Variants in RGS9 observed in about 807,000 individuals in gnomAD.
RGS9 encodes the protein regulator of G protein signaling 9.
In RGS9, 78 loss-of-function variants were observed where a neutral mutation model predicts 102.0. The observed-to-expected ratio is 0.76, with a 90% CI of 0.64 to 0.92. The LOEUF is 0.92. Among genes scored for constraint, RGS9 ranks in the 40% least tolerant of loss-of-function variants. The probability of loss-of-function intolerance (pLI) is 0.00; values close to 1 mark genes in which losing one functional copy is unlikely to be tolerated. For missense variants in RGS9, 833 were observed against 866.1 expected (o/e 0.96, Z 0.48); for synonymous variants, 353 against 318.6 (o/e 1.11, Z -1.15).
chr17:65,145,588 G>C (rs1369121640), intron 1 of RGS9, among the ~76,000 whole-genome samples: 1 of 146,672 alleles, frequency 6.8e-6, no homozygotes, highest in Non-Finnish European at 1.5e-5. Context: ...TAGAGATGAG[G>C]TTTGCCATGT....
intron 1 of RGS9, among the ~76,000 whole-genome samples, chr17:65,145,039 T>C (rs895535195): frequency 6.6e-6 from 1 of 152,194 alleles, no homozygotes; most frequent in Non-Finnish European, 1.5e-5. Context: ...ATAAAGACAC[T>C]GGTCATAGGG....
rs542060487 is a variant in RGS9, at chr17:65,221,714, G to A, written c.1408-3288G>A. Among the ~76,000 whole-genome samples the A allele has an allele frequency of 1.1e-4, 16 of 152,344 alleles. No homozygotes were observed. In the South Asian group the frequency reaches 3.3e-3, roughly 32 times the overall value. On this transcript the variant is annotated intron_variant, in intron 17 of 18. Transcript: ENST00000262406. ...TTCCCGCGGTTCTGAAGGCTGGGAT[G>A]TCCACGATGGAGGCCCCAACAGATT...
At chr17:65,141,729 G>A (rs1395775583) in intron 1 of RGS9, among the ~76,000 whole-genome samples, 2 of 152,122 alleles carry the variant, frequency 1.3e-5, no homozygotes, top group African/African-American at 4.8e-5. Context: ...GTTCTACCTG[G>A]GGTCAGGGGG....
chr17:65,148,985 A>C (rs1375511639), intron 1 of RGS9, among the ~76,000 whole-genome samples: 1 of 151,842 alleles, frequency 6.6e-6, no homozygotes, highest in Non-Finnish European at 1.5e-5. Context: ...TTTTTGAGGC[A>C]AGGTCTCTCT....
intron 14 of RGS9, among the ~76,000 whole-genome samples, chr17:65,202,440 T>TGAGA (rs1175127105): frequency 7.5e-6 from 1 of 133,780 alleles, no homozygotes; most frequent in African/African-American, 3.0e-5. Context: ...TGTGTGTGTG[T>TGAGA]GTGTGAGAGA....
rs1048969780 is a variant in RGS9, at chr17:65,210,645, G to C, written c.1407+40G>C. ...GGACCGCAGGAGCCAACTCCAAAAAGAGCTGCCTCCTAAATAAATCTGTGA... is the reference window on the plus strand; with the variant it reads ...GGACCGCAGGAGCCAACTCCAAAAACAGCTGCCTCCTAAATAAATCTGTGA... On this transcript the variant is annotated intron_variant, in intron 17 of 18. Transcript: ENST00000262406. The C allele has an allele frequency of 3.7e-6, 6 of 1,611,300 alleles. No homozygotes were observed. In the East Asian group the frequency reaches 1.3e-4, roughly 36 times the overall value.
chr17:65,204,959 A>G (rs1912994310), intron 15 of RGS9, among the ~76,000 whole-genome samples: 1 of 152,114 alleles, frequency 6.6e-6, no homozygotes, highest in Non-Finnish European at 1.5e-5. Flanking sequence ...AGTGATGGCA[A>G]TTCTCACCAC....
chr17:65,190,032 C>T, intron 10 of RGS9, 143 bp from the exon 11 acceptor site: 1 of 766,940 alleles, frequency 1.3e-6, no homozygotes, highest in South Asian at 1.4e-5. Context: ...GTGGGCCTGA[C>T]CCACTGGTAC....
intron 9 of RGS9, among the ~76,000 whole-genome samples, chr17:65,184,788 TTCTC>T (rs1242601418): frequency 8.4e-6 from 1 of 119,458 alleles, no homozygotes; most frequent in East Asian, 2.0e-4. Flanking sequence ...TTCTTTCTCT[TTCTC>T]TTTCTTTCTT....
In RGS9 at chr17:65,190,246, T is replaced by C. The variant is rs760413452; in HGVS notation, c.746+10T>C. ...CTGTGTCCCTGGGAGGGTATGTCCC[T>C]GATTTGTTGATCTTGCTAAAGTCTG... On this transcript the variant is annotated intron_variant, in intron 11 of 18. Transcript: ENST00000262406. 1.2e-6 allele frequency: 2 copies of C among 1,607,742 alleles called. No individual in the cohort carries two copies. Among genetic ancestry groups the C allele is most frequent in the East Asian group, 2.2e-5 (1 of 44,858 alleles).
chr17:65,153,734 C>CA (rs1910670543), intron 2 of RGS9, among the ~76,000 whole-genome samples: 1 of 151,766 alleles, frequency 6.6e-6, no homozygotes, highest in African/African-American at 2.4e-5. Context: ...TATTAAAATA[C>CA]AAAAAATTAG....
In RGS9 at chr17:65,225,003, C is replaced by T. The variant is rs201964792; in HGVS notation, c.1409C>T (p.Pro470Leu). 53 of 1,613,688 alleles carry T rather than the reference C, an allele frequency of 3.3e-5. No individual in the cohort carries two copies. The highest frequency in any genetic ancestry group is 1.5e-4 in the African/African-American group (11 of 74,916). Residue 470 changes from proline to leucine, a missense_variant and splice_region_variant, in exon 18 of 19, where the codon CCG becomes CTG. By Grantham distance (98) the Pro-to-Leu change is moderately conservative. Around this residue, in one of 3 missense-constraint regions of RGS9, gnomAD observed 185 missense variants for 248.7 expected, o/e 0.74. Transcript: ENST00000262406. The stretch of plus-strand genomic sequence containing the variant: ...GCTCTCTCCTTTCCTTCTCTACAGC[C>T]GGGCCAGCACATGGCTCCCAGCCCC... The part of the protein sequence containing the change: ...EAANTVDITQ[P>L]GQHMAPSPHL...
intron 17 of RGS9, among the ~76,000 whole-genome samples, chr17:65,224,336 A>G (rs1598012640): frequency 6.6e-6 from 1 of 152,228 alleles, no homozygotes; most frequent in East Asian, 1.9e-4. Flanking sequence ...CCTCCTCGCC[A>G]TGTATTCCTG....
chr17:65,209,715 G>C (rs760651356), intron 16 of RGS9, among the ~76,000 whole-genome samples: 11 of 152,282 alleles, frequency 7.2e-5, no homozygotes, highest in South Asian at 2.1e-4. Context: ...CTCTTTCTCT[G>C]TTCACTGGGG....
At chr17:65,151,553 A>G (rs538550527) in intron 1 of RGS9, among the ~76,000 whole-genome samples, 3 of 152,088 alleles carry the variant, frequency 2.0e-5, no homozygotes, top group Non-Finnish European at 2.9e-5. Flanking sequence ...GCTCTAATTC[A>G]TATCTCTGAC....
chr17:65,167,194 C>T (rs1028784264), intron 7 of RGS9, among the ~76,000 whole-genome samples: 1 of 151,994 alleles, frequency 6.6e-6, no homozygotes, highest in East Asian at 1.9e-4. Context: ...ATAAACAGCC[C>T]TTTTTTATTT....
intron 9 of RGS9, among the ~76,000 whole-genome samples, chr17:65,184,365 A>C (rs1293245573): frequency 6.6e-6 from 1 of 152,178 alleles, no homozygotes; most frequent in Non-Finnish European, 1.5e-5. Context: ...TAGGTCCCAA[A>C]TATTGCCTGT....
chr17:65,198,573 A>G (rs750833058), intron 13 of RGS9, among the ~76,000 whole-genome samples: 3 of 152,154 alleles, frequency 2.0e-5, no homozygotes, highest in Non-Finnish European at 2.9e-5. Flanking sequence ...TTTTAAATAT[A>G]CTGCACTTCC....
rs893155272 is a variant in RGS9 at position 65,227,675 on chromosome 17, A to G, written c.*268A>G. ...GACTTTCCCTGCTGCCTTAAAACCA[A>G]TAAAAGGTTAACTTTAAGTTTCTTG... is the stretch of plus-strand genomic sequence containing the variant. On this transcript the variant is annotated 3_prime_UTR_variant, in exon 19 of 19. Transcript: ENST00000262406. 8 of 503,294 alleles carry G rather than the reference A, an allele frequency of 1.6e-5. No homozygotes were observed. The highest frequency in any genetic ancestry group is 1.2e-4 in the African/African-American group (6 of 51,820). The allele number at this position is 503,294 out of a possible 1,614,324, so 31.2% of individuals were successfully genotyped here.
Sources: gnomAD v4.1 joint callset for allele counts (sites outside exome capture counted in the v4.1 genomes callset) on GRCh38, gnomAD v4.1.1 for gene constraint, gnomAD v4.1.1 regional missense constraint, MANE v1.5 for transcripts, NCBI Gene and HGNC (gene_info 2026-07-23, HGNC 2026-07-21) for gene names.